The following TGDS variants were observed in gnomAD, a reference collection of about 807,000 sequenced individuals.
TGDS encodes the protein UDP-D-glucose 4,6-dehydratase.
A neutral mutation model predicts 52.3 loss-of-function variants in TGDS; 47 were observed. The ratio of observed to expected loss-of-function variants is 0.90; its 90% CI spans 0.71 to 1.15. TGDS has a LOEUF of 1.15. Ranked by LOEUF, TGDS falls within the 50% of genes most tolerant of loss-of-function variation. The probability of loss-of-function intolerance (pLI) is 0.00; values close to 1 mark genes in which losing one functional copy is unlikely to be tolerated. For synonymous variants in TGDS, 115 were observed against 136.9 expected, an observed-to-expected ratio of 0.84 and a Z score of 1.12; for missense variants, 375 against 418.4, an observed-to-expected ratio of 0.90 and a Z score of 0.90.
Position 94,585,513 on chromosome 13 carries a change from C to T in TGDS, c.314-2277G>A, listed in dbSNP as rs184626523. Among the ~76,000 whole-genome samples the T allele has an allele frequency of 1.8e-3, 274 of 151,986 alleles. 2 individuals carry two copies. The highest frequency in any genetic ancestry group is 5.7e-3 in the African/African-American group (235 of 41,492). On this transcript the variant is annotated intron_variant, in intron 4 of 11. Coordinates refer to ENST00000261296, the MANE Select transcript of TGDS (RefSeq NM_014305.4). ...AATAAAATAAGATCAATTTAAAATT[C>T]CAGGCAGGACATGGTGGCTAATGCC...
At chr13:94,593,803 T>C in intron 2 of TGDS, 38 bp downstream of exon 2, 1 of 1,286,652 alleles carries the variant, frequency 7.8e-7, no homozygotes, top group Non-Finnish European at 1.1e-6. Context: ...AATTGAAATG[T>C]AATTTCAGTG....
At chr13:94,593,086 G>A (rs1433809454) in intron 2 of TGDS, among the ~76,000 whole-genome samples, 2 of 152,094 alleles carry the variant, frequency 1.3e-5, no homozygotes, top group East Asian at 3.9e-4. Context: ...CCCAGGAGGT[G>A]GAGGTTGCAG....
chr13:94,581,645 T>C (rs1009312686), intron 5 of TGDS, among the ~76,000 whole-genome samples: 1 of 152,154 alleles, frequency 6.6e-6, no homozygotes, highest in Non-Finnish European at 1.5e-5. Context: ...TGATAAAAAT[T>C]GCAGAGAATT....
chr13:94,590,372 G>T (rs1889153914), intron 4 of TGDS, among the ~76,000 whole-genome samples: 1 of 151,744 alleles, frequency 6.6e-6, no homozygotes, highest in Non-Finnish European at 1.5e-5. Flanking sequence ...TACTGAAGAG[G>T]ATTCAGCAAC....
intron 6 of TGDS, 67 bp downstream of exon 6, chr13:94,581,024 T>A: frequency 1.1e-6 from 1 of 921,922 alleles, no homozygotes; most frequent in Non-Finnish European, 1.6e-6. Flanking sequence ...AAAAAAAAGC[T>A]GACTTGGAGT....
chr13:94,575,301 T>C (rs1362218868), intron 11 of TGDS, among the ~76,000 whole-genome samples: 2 of 150,330 alleles, frequency 1.3e-5, no homozygotes, highest in Non-Finnish European at 3.0e-5. Context: ...TTTTTTTTTT[T>C]TTTTTAAAGA....
At chr13:94,580,569 A>C (rs768363635) in intron 6 of TGDS, among the ~76,000 whole-genome samples, 9 of 152,210 alleles carry the variant, frequency 5.9e-5, no homozygotes, top group Non-Finnish European at 1.3e-4. Flanking sequence ...AAGCCAAATC[A>C]TGCAGACAGA....
chr13:94,592,637 GTA>G lies in TGDS; in HGVS notation c.154-330_154-329del, dbSNP rs1406153846. On this transcript the variant is annotated intron_variant, in intron 2 of 11. Coordinates refer to ENST00000261296, the MANE Select transcript of TGDS (RefSeq NM_014305.4). ...ACCGGCTAATTTTTTGTATTTTGTA[GTA>G]GAGGCAGGGTTTCACCATGTTAGCC... Among the ~76,000 whole-genome samples, 22 of 152,020 alleles carry G rather than the reference GTA, an allele frequency of 1.4e-4. 1 individual carries two copies. The highest frequency in any genetic ancestry group is 3.2e-4 in the Non-Finnish European group (22 of 68,002).
rs765805073 is a variant in TGDS at position 94,596,127 on chromosome 13, C to T, written c.10G>A (p.Ala4Thr). MSA[A>T]CWEEPWGLPG... ...AGACCCCACGGTTCCTCCCAACACG[C>T]CGCCGACATCTCCCAGCTCAGCAGT... Residue 4 changes from alanine to threonine, a missense_variant, in exon 1 of 12, where the codon GCG becomes ACG. Physicochemically the swap from Ala to Thr is moderately conservative, Grantham distance 58. Coordinates refer to ENST00000261296, the MANE Select transcript of TGDS (RefSeq NM_014305.4). The T allele has an allele frequency of 3.7e-6, 6 of 1,614,116 alleles. No homozygotes were observed. In the East Asian group the frequency reaches 1.1e-4, roughly 30 times the overall value.
Position 94,574,721 on chromosome 13 carries a change from C to A in TGDS, c.*61G>T. 3 of 1,013,654 alleles carry A rather than the reference C, an allele frequency of 3.0e-6. No individual in the cohort carries two copies. Among genetic ancestry groups the A allele is most frequent in the Non-Finnish European group, 4.6e-6 (3 of 654,138 alleles). The allele number at this position is 1,013,654 out of a possible 1,614,324, so 62.8% of individuals were successfully genotyped here. On this transcript the variant is annotated 3_prime_UTR_variant, in exon 12 of 12. Transcript: ENST00000261296. The stretch of plus-strand genomic sequence containing the variant: ...CTTCATTTGGTCACTTAATTTCATA[C>A]CACTTGGCGAGGTAGGATAACTTTC...
In TGDS at chr13:94,577,916, A is replaced by G. The variant is rs939218812; in HGVS notation, c.825+89T>C. 9.2e-6 allele frequency: 12 copies of G among 1,301,114 alleles called. No homozygotes were observed. The Admixed American group carries it at 1.7e-4, about 19-fold the overall frequency. The allele number at this position is 1,301,114 out of a possible 1,614,324, so 80.6% of individuals were successfully genotyped here. ...TCATTTTCTACTTGCTTACTTTTAA[A>G]TTAAGTAAGCTGTATGCTTCTGATT... On this transcript the variant is annotated intron_variant, in intron 9 of 11. Transcript: ENST00000261296.
intron 1 of TGDS, among the ~76,000 whole-genome samples, chr13:94,594,681 C>T (rs1259811571): frequency 6.6e-6 from 1 of 152,200 alleles, no homozygotes; most frequent in Non-Finnish European, 1.5e-5. Context: ...GACCCGCACT[C>T]TCACACAAGT....
intron 1 of TGDS, among the ~76,000 whole-genome samples, chr13:94,594,293 A>G (rs572314449): frequency 4.6e-5 from 7 of 152,330 alleles, no homozygotes; most frequent in Non-Finnish European, 8.8e-5. Flanking sequence ...AACTGCAGAT[A>G]TAAGTATGTA....
rs1163931948 is a variant in TGDS at position 94,593,921 on chromosome 13, G to A, written c.87-14C>T. ...ATATGTGATGCACTATGGAAAAAAA[G>A]TATATCTTGTTAGTGAAAAACTTTA... On this transcript the variant is annotated splice_polypyrimidine_tract_variant and intron_variant, in intron 1 of 11. Coordinates refer to ENST00000261296, the MANE Select transcript of TGDS (RefSeq NM_014305.4). 2.0e-6 allele frequency: 3 copies of A among 1,513,092 alleles called. No homozygotes were observed. The highest frequency in any genetic ancestry group is 2.7e-6 in the Non-Finnish European group (3 of 1,114,548). 93.7% of individuals were successfully genotyped at this position (1,513,092 alleles called of 1,614,324 possible). A position where few individuals can be genotyped will look rare whatever the true frequency, so the allele number is the denominator to read the frequency against.
At chr13:94,593,499 G>GA (rs201371929) in intron 2 of TGDS, among the ~76,000 whole-genome samples, 2 of 151,416 alleles carry the variant, frequency 1.3e-5, no homozygotes, top group African/African-American at 4.9e-5. Flanking sequence ...TTAAAAAATA[G>GA]AAAAAAAATC....
At chr13:94,595,948 G>A in intron 1 of TGDS, 103 bp downstream of exon 1, 1 of 1,298,680 alleles carries the variant, frequency 7.7e-7, no homozygotes, top group Non-Finnish European at 1.1e-6. Flanking sequence ...TCAGAATAAG[G>A]ACCCCTCAAA....
chr13:94,586,054 T>C (rs1212313413), intron 4 of TGDS, among the ~76,000 whole-genome samples: 5 of 152,114 alleles, frequency 3.3e-5, no homozygotes, highest in Non-Finnish European at 7.3e-5. Context: ...CAAGCAGTTT[T>C]TTAAAATAAA....
chr13:94,578,805 G>T (rs1328612780), intron 7 of TGDS, 32 bp from the exon 8 acceptor site: 3 of 1,334,254 alleles, frequency 2.2e-6, no homozygotes, highest in African/African-American at 1.5e-5. Context: ...ATTTCAGACT[G>T]GATATTTACT....
At chr13:94,580,768 C>T (rs753643672) in intron 6 of TGDS, among the ~76,000 whole-genome samples, 2 of 152,220 alleles carry the variant, frequency 1.3e-5, no homozygotes, top group Non-Finnish European at 2.9e-5. Flanking sequence ...TTTGTCCACA[C>T]AATAGAGGAA....
Sources: gnomAD v4.1 joint callset for allele counts (sites outside exome capture counted in the v4.1 genomes callset) on GRCh38, gnomAD v4.1.1 for gene constraint, MANE v1.5 for transcripts, NCBI Gene and HGNC (gene_info 2026-07-23, HGNC 2026-07-21) for gene names.